The following CACNA1C variants were observed in gnomAD, a reference collection of about 807,000 sequenced individuals.
CACNA1C encodes the protein calcium voltage-gated channel subunit alpha1 C.
CACNA1C carries 30 observed loss-of-function variants against 229.0 expected under a neutral mutation model. The ratio of observed to expected loss-of-function variants is 0.13; its 90% CI spans 0.10 to 0.18. The LOEUF (loss-of-function observed/expected upper bound fraction) is 0.18, where lower values mean the gene tolerates loss of function less well. Ranked by LOEUF, CACNA1C falls within the 10% of genes least tolerant of loss-of-function variation. CACNA1C has a pLI of 1.00. For synonymous variants in CACNA1C, 1,114 were observed against 1,132.5 expected (o/e 0.98, Z 0.33); for missense variants, 1,658 against 2,845.0 (o/e 0.58, Z 9.49).
chr12:2,248,365 T>C (rs1164132748), intron 3 of CACNA1C, among the ~76,000 whole-genome samples: 4 of 152,194 alleles, frequency 2.6e-5, no homozygotes, highest in Non-Finnish European at 5.9e-5. Flanking sequence ...AGGGAACATT[T>C]CTCTGCACCG....
chr12:2,457,443 G>A (rs1233343666), intron 4 of CACNA1C, 124 bp from the exon 5 acceptor site: 11 of 977,080 alleles, frequency 1.1e-5, no homozygotes, highest in African/African-American at 1.7e-5. Context: ...CACCCACAAC[G>A]CCCGCCCCTG....
chr12:2,634,008 CG>C (rs1487070280), intron 29 of CACNA1C, among the ~76,000 whole-genome samples: 1 of 152,132 alleles, frequency 6.6e-6, no homozygotes, highest in Non-Finnish European at 1.5e-5. Flanking sequence ...CCCGGCTCCC[CG>C]GGGCGGCCAC....
chr12:2,396,939 G>C (rs1043326497), intron 3 of CACNA1C, among the ~76,000 whole-genome samples: 1 of 152,212 alleles, frequency 6.6e-6, no homozygotes, highest in Admixed American at 6.5e-5. Flanking sequence ...TCTTGGTCTG[G>C]ATACTTCTGG....
intron 1 of CACNA1C, among the ~76,000 whole-genome samples, chr12:2,085,158 T>C (rs532944125): frequency 3.9e-5 from 6 of 152,218 alleles, no homozygotes; most frequent in Non-Finnish European, 8.8e-5. Context: ...TCAGTGCACC[T>C]ATGAATGTGT....
chr12:2,495,624 C>T (rs992159457), intron 7 of CACNA1C, among the ~76,000 whole-genome samples: 4 of 152,194 alleles, frequency 2.6e-5, no homozygotes, highest in Non-Finnish European at 5.9e-5. Context: ...ACTGCAACCA[C>T]CAATTTTCAG....
chr12:2,053,028 G>GCGGCGCT lies in CACNA1C; in HGVS notation c.-528_-522dup. ...CTCTGCAGAAACAGCTCCTGCCAGA[G>GCGGCGCT]CGGCGCTCGGCGCGGCGCGGCGGGC... is the stretch of plus-strand genomic sequence containing the variant. On this transcript the variant is annotated 5_prime_UTR_variant, in exon 1 of 47. Transcript: ENST00000399655. The surrounding 1 kb of genome is among the most constrained non-coding windows in gnomAD (Gnocchi z 5.8). The GCGGCGCT allele has an allele frequency of 1.0e-6, 1 of 984,578 alleles. No homozygotes were observed. The highest frequency in any genetic ancestry group is 1.2e-6 in the Non-Finnish European group (1 of 829,624). 61.0% of individuals were successfully genotyped at this position (984,578 alleles called of 1,614,324 possible).
intron 11 of CACNA1C, 54 bp downstream of exon 11, chr12:2,557,031 GC>G: frequency 6.5e-7 from 1 of 1,536,012 alleles, no homozygotes; most frequent in Non-Finnish European, 9.0e-7. Flanking sequence ...TCTGTCTTCA[GC>G]CACCCTGTTG....
At chr12:2,278,782 C>T (rs78004797) in intron 3 of CACNA1C, among the ~76,000 whole-genome samples, 7,044 of 152,244 alleles carry the variant, frequency 0.046, 195 homozygotes, top group Middle Eastern at 0.068. Flanking sequence ...TGGTAGTGTA[C>T]GTTTAGTGTT....
Position 2,181,066 on chromosome 12 carries a change from A to AT in CACNA1C, c.477+60637dup, listed in dbSNP as rs2096826262. 6.6e-6 allele frequency among the ~76,000 whole-genome samples: 1 copy of AT among 152,146 alleles called. No homozygotes were observed. Among genetic ancestry groups the AT allele is most frequent in the South Asian group, 2.1e-4 (1 of 4,824 alleles). ...TGGGCAACTGAGTTTTGGAACCTAC[A>AT]TATCAGACTCAAATGTTTTCTTCTG... On this transcript the variant is annotated intron_variant, in intron 3 of 46. Transcript: ENST00000399655. This position sits in a 1 kb window ranked among gnomAD's most constrained non-coding sequence, Gnocchi z 4.0.
At chr12:2,643,608 C>T (rs1042279489) in intron 30 of CACNA1C, among the ~76,000 whole-genome samples, 3 of 152,204 alleles carry the variant, frequency 2.0e-5, no homozygotes, top group Non-Finnish European at 4.4e-5. Context: ...AAATGTCTTG[C>T]CCCGCTGCCA....
intron 1 of CACNA1C, among the ~76,000 whole-genome samples, chr12:1,987,322 A>G (rs1488320169): frequency 2.6e-5 from 4 of 152,256 alleles, no homozygotes; most frequent in Non-Finnish European, 1.5e-5. Flanking sequence ...ACAGGTGCAC[A>G]CTGGGCTAGA....
chr12:2,462,910 A>ATTTT (rs147569410), intron 5 of CACNA1C, among the ~76,000 whole-genome samples: 30 of 120,950 alleles, frequency 2.5e-4, no homozygotes, highest in Non-Finnish European at 3.4e-4. Flanking sequence ...CAAAAGTTGC[A>ATTTT]TTTTTTTTTT....
At chr12:2,550,710 G>A (rs749698122) in intron 10 of CACNA1C, 11 of 1,286,204 alleles carry the variant, frequency 8.6e-6, no homozygotes, top group Admixed American at 6.6e-5. Flanking sequence ...GGGGCAGGGC[G>A]GCATCTCCCT....
At chr12:2,143,907 A>C (rs2094491630) in intron 3 of CACNA1C, among the ~76,000 whole-genome samples, 1 of 146,966 alleles carries the variant, frequency 6.8e-6, no homozygotes, top group African/African-American at 2.5e-5. Flanking sequence ...TCTCCACCTC[A>C]CCCCAACACC....
intron 3 of CACNA1C, among the ~76,000 whole-genome samples, chr12:2,165,341 C>T (rs2154254454): frequency 6.6e-6 from 1 of 152,280 alleles, no homozygotes; most frequent in African/African-American, 2.4e-5. Flanking sequence ...CCAGATTGTC[C>T]CTGAACTACC....
At chr12:2,317,333 C>T (rs1360700819) in intron 3 of CACNA1C, among the ~76,000 whole-genome samples, 1 of 152,190 alleles carries the variant, frequency 6.6e-6, no homozygotes, top group Non-Finnish European at 1.5e-5. Flanking sequence ...GAATGAAATT[C>T]TGATCCATGC....
chr12:2,580,046 A>G (rs1027529429), intron 13 of CACNA1C, among the ~76,000 whole-genome samples: 1 of 152,164 alleles, frequency 6.6e-6, no homozygotes, highest in Non-Finnish European at 1.5e-5. Flanking sequence ...GCAGTCCATC[A>G]CACATACTGG....
At chr12:2,572,982 G>A (rs1286594012) in intron 13 of CACNA1C, among the ~76,000 whole-genome samples, 4 of 62,550 alleles carry the variant, frequency 6.4e-5, no homozygotes, top group Non-Finnish European at 1.3e-4. Context: ...TCCTCCTCCT[G>A]TCCTCTTCCT....
chr12:2,605,066 G>C lies in CACNA1C; in HGVS notation c.2961-15G>C, dbSNP rs1175303471. On this transcript the variant is annotated splice_polypyrimidine_tract_variant and intron_variant, in intron 22 of 46. Coordinates refer to ENST00000399655, the MANE Select transcript of CACNA1C (RefSeq NM_000719.7). The surrounding 1 kb of genome is among the most constrained non-coding windows in gnomAD (Gnocchi z 6.2). The stretch of plus-strand genomic sequence containing the variant: ...ACAGGAGGAGCTTACTACCCTGCCT[G>C]TTTCCCTCTCCCAGGTCCAGTGCAA... The C allele has an allele frequency of 5.0e-6, 8 of 1,607,204 alleles. No homozygotes were observed. The highest frequency in any genetic ancestry group is 2.2e-5 in the East Asian group (1 of 44,828).
Sources: allele counts gnomAD v4.1 joint callset (sites outside exome capture counted in the v4.1 genomes callset), GRCh38; gene constraint gnomAD v4.1.1; non-coding constraint Gnocchi (gnomAD v3.1); transcripts MANE v1.5; gene names NCBI Gene and HGNC (gene_info 2026-07-23, HGNC 2026-07-21).